The following TRMT44 variants were observed in gnomAD, a reference collection of about 807,000 sequenced individuals.
TRMT44 encodes the protein tRNA methyltransferase 44 homolog, also known as probable tRNA (uracil-O(2)-)-methyltransferase.
In TRMT44, 78 loss-of-function variants were observed where a neutral mutation model predicts 77.3. The observed-to-expected ratio is 1.01, with a 90% CI of 0.84 to 1.22. TRMT44 has a LOEUF of 1.22. TRMT44 is among the 50% of genes most tolerant of loss of function. The probability of loss-of-function intolerance (pLI) is 0.00; values close to 1 mark genes in which losing one functional copy is unlikely to be tolerated. For synonymous variants in TRMT44, 391 were observed against 383.3 expected, an observed-to-expected ratio of 1.02 and a Z score of -0.23; for missense variants, 1,090 against 964.4, an observed-to-expected ratio of 1.13 and a Z score of -1.73.
intron 3 of TRMT44, 81 bp downstream of exon 3, chr4:8,449,969 T>C (rs1725334785): frequency 4.6e-6 from 4 of 864,114 alleles, no homozygotes; most frequent in Non-Finnish European, 4.9e-6. Context: ...TTTTTTTTTT[T>C]TTTTTGCGAC....
At chr4:8,462,496 C>G (rs554201347) in intron 6 of TRMT44, among the ~76,000 whole-genome samples, 2 of 151,776 alleles carry the variant, frequency 1.3e-5, no homozygotes, top group Non-Finnish European at 2.9e-5. Context: ...CACGAGGTCA[C>G]GAGATCGAGA....
the TRMT44 span, among the ~76,000 whole-genome samples, chr4:8,511,629 C>T: frequency 6.6e-6 from 1 of 151,784 alleles, no homozygotes. Context: ...ACCATAATGA[C>T]AGATTTGGAA....
intron 10 of TRMT44, among the ~76,000 whole-genome samples, chr4:8,475,047 C>G (rs1727285502): frequency 6.6e-6 from 1 of 152,246 alleles, no homozygotes; most frequent in Non-Finnish European, 1.5e-5. Flanking sequence ...CCTTCGTGTT[C>G]CTGTTCCAGA....
rs1378701267 is a variant in TRMT44 at position 8,468,262 on chromosome 4, C to T, written c.1843C>T (p.Gln615Ter). The change falls in exon 9 of 11, where the codon CAA becomes TAA. Residue 615 changes from glutamine to a stop codon, truncating the protein, a stop_gained. Coordinates refer to ENST00000389737, the MANE Select transcript of TRMT44 (RefSeq NM_152544.3). LOFTEE classifies it high-confidence loss of function. ...PRDFIDQVVL[Q>*]VANLLLGGKQ... ...AGATTTTATTGACCAAGTGGTTTTGCAAGTAGCGAATTTACTGTTAGGTGG... is the reference window on the plus strand; with the variant it reads ...AGATTTTATTGACCAAGTGGTTTTGTAAGTAGCGAATTTACTGTTAGGTGG... 2.5e-6 allele frequency: 4 copies of T among 1,614,194 alleles called. No individual in the cohort carries two copies. Among genetic ancestry groups the T allele is most frequent in the Non-Finnish European group, 3.4e-6 (4 of 1,180,038 alleles).
chr4:8,490,302 C>G (rs1727956889), intron 2 of TRMT44, among the ~76,000 whole-genome samples: 1 of 152,210 alleles, frequency 6.6e-6, no homozygotes, highest in Non-Finnish European at 1.5e-5. Flanking sequence ...AGCCACAGAC[C>G]CTCGCGGTGA....
chr4:8,498,144 C>G (rs2109246241), downstream of TRMT44, among the ~76,000 whole-genome samples: 1 of 152,130 alleles, frequency 6.6e-6, no homozygotes, highest in Non-Finnish European at 1.5e-5. This position sits in a 1 kb window ranked among gnomAD's most constrained non-coding sequence, Gnocchi z 4.3. Flanking sequence ...CCGGGGTTTT[C>G]TCCTCAATTT....
At chr4:8,497,923 G>T (rs556201374), downstream of TRMT44, among the ~76,000 whole-genome samples, 21 of 151,380 alleles carry the variant, frequency 1.4e-4, no homozygotes, top group African/African-American at 4.4e-4. Flanking sequence ...GGGCTGGCGT[G>T]GGGGGGGCTG....
At chr4:8,460,814 G>T (rs1726106086) in intron 6 of TRMT44, among the ~76,000 whole-genome samples, 1 of 152,076 alleles carries the variant, frequency 6.6e-6, no homozygotes, top group African/African-American at 2.4e-5. Flanking sequence ...GCCTCCCAAA[G>T]TGCTGGGATT....
intron 2 of TRMT44, among the ~76,000 whole-genome samples, chr4:8,482,014 G>A (rs776804389): frequency 4.6e-5 from 7 of 152,228 alleles, no homozygotes; most frequent in African/African-American, 7.2e-5. Flanking sequence ...AAAGCCTTCC[G>A]TGTTGAGGTC....
chr4:8,515,625 T>A, the TRMT44 span, among the ~76,000 whole-genome samples: 1 of 152,092 alleles, frequency 6.6e-6, no homozygotes, highest in African/African-American at 2.4e-5. Flanking sequence ...ACCCCTGGGA[T>A]GGCCTGAGGG....
chr4:8,472,680 G>A (rs946935137), intron 10 of TRMT44, among the ~76,000 whole-genome samples: 1 of 152,228 alleles, frequency 6.6e-6, no homozygotes, highest in Non-Finnish European at 1.5e-5. Context: ...TGGGTGGGGG[G>A]CCGGTGAGCA....
At chr4:8,464,506 G>T (rs564282772) in intron 7 of TRMT44, among the ~76,000 whole-genome samples, 8 of 152,206 alleles carry the variant, frequency 5.3e-5, no homozygotes, top group African/African-American at 1.9e-4. Context: ...AGTTGCCTCC[G>T]CACGGGGAGC....
chr4:8,489,683 G>A (rs1043891433), intron 2 of TRMT44, among the ~76,000 whole-genome samples: 1 of 152,064 alleles, frequency 6.6e-6, no homozygotes. Context: ...TCACCATGTT[G>A]GCCAGGCTGG....
the TRMT44 span, among the ~76,000 whole-genome samples, chr4:8,498,829 ACAGGGG>A: frequency 1.3e-5 from 2 of 152,158 alleles, no homozygotes; most frequent in South Asian, 4.1e-4. The surrounding 1 kb of genome is among the most constrained non-coding windows in gnomAD (Gnocchi z 4.3). Flanking sequence ...GTCAGCAGAT[ACAGGGG>A]CAGGGGGCAT....
At chr4:8,455,561 G>A (rs1359696081) in intron 6 of TRMT44, among the ~76,000 whole-genome samples, 2 of 152,206 alleles carry the variant, frequency 1.3e-5, no homozygotes, top group Admixed American at 1.3e-4. Flanking sequence ...CCCCTACCCA[G>A]AGATAATCAC....
At chr4:8,490,147 GCACCCGTTCCTTGGC>G (rs1256388946) in intron 2 of TRMT44, among the ~76,000 whole-genome samples, 1 of 152,062 alleles carries the variant, frequency 6.6e-6, no homozygotes, top group East Asian at 1.9e-4. Context: ...TCAGCAGCAG[GCACCCGTTCCTTGGC>G]CACCCCCACG....
At position 8,492,740 on chromosome 4, in the gene TRMT44, G is replaced by T. The variant is rs1365195361; in HGVS notation, n.3892-526G>T. ...TGCTCACTGAGATAGATGCGTCTCTGCCTGCCTCCTTTGGAAAGGCCAATC... is the reference window on the plus strand; with the variant it reads ...TGCTCACTGAGATAGATGCGTCTCTTCCTGCCTCCTTTGGAAAGGCCAATC... On this transcript the variant is annotated intron_variant and non_coding_transcript_variant, in intron 2 of 2. Coordinates refer to the TRMT44 transcript ENST00000511366. 2.6e-5 allele frequency among the ~76,000 whole-genome samples: 4 copies of T among 152,296 alleles called. No homozygotes were observed. In the East Asian group the frequency reaches 7.7e-4, roughly 29 times the overall value.
At chr4:8,482,764 A>T (rs111241304) in intron 2 of TRMT44, among the ~76,000 whole-genome samples, 9,997 of 152,184 alleles carry the variant, frequency 0.066, 625 homozygotes, top group African/African-American at 0.16. Flanking sequence ...GTGATTCTTC[A>T]GTTACTTCAG....
chr4:8,492,223 G>A (rs1162324214), intron 2 of TRMT44, among the ~76,000 whole-genome samples: 1 of 152,142 alleles, frequency 6.6e-6, no homozygotes, highest in Non-Finnish European at 1.5e-5. Flanking sequence ...CACAGACTCA[G>A]CATTCATGTT....
Sources: gnomAD v4.1 joint callset for allele counts (sites outside exome capture counted in the v4.1 genomes callset) on GRCh38, gnomAD v4.1.1 for gene constraint, Gnocchi (gnomAD v3.1) non-coding constraint, MANE v1.5 for transcripts, NCBI Gene and HGNC (gene_info 2026-07-23, HGNC 2026-07-21) for gene names.